The following ECH1 variants were observed in gnomAD, a reference collection of about 807,000 sequenced individuals.
ECH1 encodes delta(3,5)-Delta(2,4)-dienoyl-CoA isomerase, mitochondrial.
In ECH1, 30 loss-of-function variants were observed where a neutral mutation model predicts 37.0. The ratio of observed to expected loss-of-function variants is 0.81; its 90% CI spans 0.61 to 1.10. ECH1 has a LOEUF of 1.10. Among genes scored for constraint, ECH1 ranks in the 50% least tolerant of loss-of-function variants. The pLI, the probability that ECH1 is intolerant of heterozygous loss-of-function variation, is 0.00. For missense variants in ECH1, 456 were observed against 441.6 expected, an observed-to-expected ratio of 1.03 and a Z score of -0.29; for synonymous variants, 178 against 176.0, an observed-to-expected ratio of 1.01 and a Z score of -0.09.
At chr19:38,825,883 C>T (rs1001881647) in intron 3 of ECH1, among the ~76,000 whole-genome samples, 5 of 152,190 alleles carry the variant, frequency 3.3e-5, no homozygotes, top group Non-Finnish European at 7.3e-5. Flanking sequence ...CCAGATGATC[C>T]AACAACAGGA....
At chr19:38,830,888 G>A (rs1266495906) in intron 3 of ECH1, 190 bp downstream of exon 3, 2 of 589,142 alleles carry the variant, frequency 3.4e-6, no homozygotes, top group East Asian at 5.8e-5. Flanking sequence ...CCCGGGAGGT[G>A]GAGGTTGCAG....
chr19:38,821,575 G>A (rs537003962), intron 3 of ECH1, among the ~76,000 whole-genome samples: 2 of 152,238 alleles, frequency 1.3e-5, no homozygotes, highest in East Asian at 1.9e-4. Flanking sequence ...TGAGCTCGGC[G>A]ACCCCGCACT....
intron 3 of ECH1, among the ~76,000 whole-genome samples, chr19:38,823,830 C>T (rs1057492704): frequency 1.6e-4 from 25 of 152,302 alleles, no homozygotes; most frequent in South Asian, 4.1e-4. Flanking sequence ...CTCTCTTCTC[C>T]GAGTTTAGTC....
Position 38,816,253 on chromosome 19 carries a change from C to T in ECH1, c.731+31G>A. Reference sequence around the variant, plus strand: ...CCAACCCTCCAGGCCTGGCTGCCCCCAGCACTGAGCTACCACGGCCATGGC... The same window carrying T: ...CCAACCCTCCAGGCCTGGCTGCCCCTAGCACTGAGCTACCACGGCCATGGC... On this transcript the variant is annotated intron_variant, in intron 8 of 9. Coordinates refer to ENST00000221418, the MANE Select transcript of ECH1 (RefSeq NM_001398.3). The T allele has an allele frequency of 1.9e-6, 3 of 1,610,900 alleles. No homozygotes were observed. In the South Asian group the frequency reaches 3.3e-5, roughly 18 times the overall value.
At chr19:38,816,028 G>C (rs753754369) in intron 8 of ECH1, 21 bp from the exon 9 acceptor site, 2 of 1,611,384 alleles carry the variant, frequency 1.2e-6, no homozygotes, top group Non-Finnish European at 1.7e-6. Flanking sequence ...AGAGATCAGG[G>C]ACCGGGTGGG....
chr19:38,826,247 T>A (rs1268877070), intron 3 of ECH1, among the ~76,000 whole-genome samples: 1 of 152,164 alleles, frequency 6.6e-6, no homozygotes, highest in Non-Finnish European at 1.5e-5. Context: ...TACCCATTTG[T>A]TGTCCCCCTA....
In ECH1 at chr19:38,816,011, C is replaced by T; in HGVS notation, c.732-4G>A. The T allele has an allele frequency of 6.2e-7, 1 of 1,612,764 alleles. No homozygotes were observed. The highest frequency in any genetic ancestry group is 8.5e-7 in the Non-Finnish European group (1 of 1,179,974). ...CTCTTTGTCTGGGAACACCCGGCTGCAGTGAAAGAGATCAGGGACCGGGTG... is the reference window on the plus strand; with the variant it reads ...CTCTTTGTCTGGGAACACCCGGCTGTAGTGAAAGAGATCAGGGACCGGGTG... On this transcript the variant is annotated splice_polypyrimidine_tract_variant and splice_region_variant and intron_variant, in intron 8 of 9. Coordinates refer to ENST00000221418, the MANE Select transcript of ECH1 (RefSeq NM_001398.3).
intron 3 of ECH1, among the ~76,000 whole-genome samples, chr19:38,822,554 T>C (rs1460793781): frequency 6.6e-6 from 1 of 151,650 alleles, no homozygotes; most frequent in Admixed American, 6.6e-5. Context: ...CAATCAGCAC[T>C]GTGTGTCTAG....
chr19:38,819,391 G>A (rs537228903), intron 3 of ECH1, among the ~76,000 whole-genome samples: 1 of 152,156 alleles, frequency 6.6e-6, no homozygotes, highest in African/African-American at 2.4e-5. Context: ...CTGGCTCAAC[G>A]ATGGCCCCAT....
rs749625289 is a variant in ECH1, at chr19:38,815,986, C to G, written c.753G>C (p.Glu251Asp). The change falls in exon 9 of 10, where the codon GAG becomes GAC. Residue 251 changes from glutamate (E) to aspartate (D), a missense_variant. Glu to Asp is a conservative substitution (Grantham distance 45). Transcript: ENST00000221418. ...GCGCTAAGGCAGCATCCAGCATGAC[C>G]TCTTTGTCTGGGAACACCCGGCTGC... ...GLVSRVFPDK[E>D]VMLDAALALA... The G allele has an allele frequency of 4.3e-6, 7 of 1,613,566 alleles. No individual in the cohort carries two copies. Among genetic ancestry groups the G allele is most frequent in the Non-Finnish European group, 5.9e-6 (7 of 1,180,034 alleles).
intron 3 of ECH1, among the ~76,000 whole-genome samples, chr19:38,824,443 G>A (rs1262827089): frequency 1.3e-5 from 2 of 152,114 alleles, no homozygotes; most frequent in Admixed American, 1.3e-4. Flanking sequence ...CTTTCAGATG[G>A]GAAACATTCA....
intron 3 of ECH1, among the ~76,000 whole-genome samples, chr19:38,828,047 C>T (rs1178032836): frequency 6.6e-6 from 1 of 151,664 alleles, no homozygotes; most frequent in African/African-American, 2.4e-5. Context: ...CTCATCTCTA[C>T]AAAAAAATAA....
chr19:38,818,932 T>TGCGCGCGCGCGCGCAC lies in ECH1; in HGVS notation c.350-1358_350-1357insGTGCGCGCGCGCGCGC, dbSNP rs1555721678. ...GTGTGTGTGTGTGTGTGTGTGTGTG[T>TGCGCGCGCGCGCGCAC]GCACTGTTCCCAACCTGTTACTTTG... On this transcript the variant is annotated intron_variant, in intron 3 of 9. Coordinates refer to ENST00000221418, the MANE Select transcript of ECH1 (RefSeq NM_001398.3). Among the ~76,000 whole-genome samples the TGCGCGCGCGCGCGCAC allele has an allele frequency of 7.0e-5, 10 of 142,752 alleles. No homozygotes were observed. In the South Asian group the frequency reaches 9.1e-4, roughly 13 times the overall value. 93.7% of individuals were successfully genotyped at this position (142,752 alleles called of 152,430 possible).
intron 9 of ECH1, 27 bp from the exon 10 acceptor site, chr19:38,815,744 C>G: frequency 6.2e-7 from 1 of 1,614,016 alleles, no homozygotes; most frequent in South Asian, 1.1e-5. Context: ...TGAGAGAGAA[C>G]GAGGAGAGAG....
chr19:38,826,890 T>C (rs1971747009), intron 3 of ECH1, among the ~76,000 whole-genome samples: 1 of 152,068 alleles, frequency 6.6e-6, no homozygotes, highest in African/African-American at 2.4e-5. Flanking sequence ...AGCAGGCTAC[T>C]CTAGATCTCT....
In ECH1 at chr19:38,815,903, A is replaced by T. The variant is rs1270698388; in HGVS notation, c.836T>A (p.Leu279Gln). ...PVAVQSTKVN[L>Q]LYSRDHSVAE... ...CACCGAATGGTCGCGGGAATACAGC[A>T]GGTTGACCTTGGTGCTCTGCACCGC... The change falls in exon 9 of 10, where the codon CTG (leucine) becomes CAG (glutamine). Residue 279 changes from leucine (L) to glutamine (Q), a missense_variant. Coordinates refer to ENST00000221418, the MANE Select transcript of ECH1 (RefSeq NM_001398.3). 1.2e-6 allele frequency: 2 copies of T among 1,614,206 alleles called. No homozygotes were observed. The highest frequency in any genetic ancestry group is 1.7e-6 in the Non-Finnish European group (2 of 1,180,034).
At chr19:38,818,952 A>C (rs1971621049) in intron 3 of ECH1, among the ~76,000 whole-genome samples, 1 of 126,646 alleles carries the variant, frequency 7.9e-6, no homozygotes, top group Non-Finnish European at 1.7e-5. Context: ...CCAACCTGTT[A>C]CTTTGGGCAC....
chr19:38,831,128 G>C lies in ECH1; in HGVS notation c.299C>G (p.Ala100Gly), dbSNP rs767696512. The C allele has an allele frequency of 1.9e-6, 3 of 1,614,042 alleles. No individual in the cohort carries two copies. Among genetic ancestry groups the C allele is most frequent in the Non-Finnish European group, 2.5e-6 (3 of 1,180,002 alleles). Reference sequence around the variant, plus strand: ...AGAGATCACCACCGCCCGACAGTCAGCGTCTCTCGAAATCTTGTTGAAGCA... The same window carrying C: ...AGAGATCACCACCGCCCGACAGTCACCGTCTCTCGAAATCTTGTTGAAGCA... ...VECFNKISRD[A>G]DCRAVVISGA... The change falls in exon 3 of 10, where the codon GCT becomes GGT. Residue 100 changes from alanine (A) to glycine (G), a missense_variant. Physicochemically the swap from Ala to Gly is moderately conservative, Grantham distance 60. Transcript: ENST00000221418.
intron 3 of ECH1, 70 bp from the exon 4 acceptor site, chr19:38,817,645 A>C: frequency 6.6e-7 from 1 of 1,510,874 alleles, no homozygotes; most frequent in Non-Finnish European, 8.9e-7. Flanking sequence ...CAGGGATCAG[A>C]ACCCAGGCAC....
Sources: allele counts gnomAD v4.1 joint callset (sites outside exome capture counted in the v4.1 genomes callset), GRCh38; gene constraint gnomAD v4.1.1; transcripts MANE v1.5; gene names NCBI Gene and HGNC (gene_info 2026-07-23, HGNC 2026-07-21).